Variants in TGFBR3 observed in about 807,000 individuals in gnomAD.
TGFBR3 encodes transforming growth factor beta receptor type 3.
TGFBR3 carries 46 observed loss-of-function variants against 87.9 expected under a neutral mutation model. The ratio of observed to expected loss-of-function variants is 0.52; its 90% CI spans 0.41 to 0.67. The LOEUF is 0.67. Among genes scored for constraint, TGFBR3 ranks in the 30% least tolerant of loss-of-function variants. The pLI is 0.00. For synonymous variants in TGFBR3, 381 were observed against 391.6 expected, an observed-to-expected ratio of 0.97 and a Z score of 0.32; for missense variants, 866 against 1,041.9, an observed-to-expected ratio of 0.83 and a Z score of 2.32.
intron 4 of TGFBR3, among the ~76,000 whole-genome samples, chr1:91,741,359 G>A (rs898645984): frequency 2.0e-5 from 3 of 152,136 alleles, no homozygotes; most frequent in Non-Finnish European, 4.4e-5. Flanking sequence ...GGGGTGAGGA[G>A]CTTCTGTGCC....
chr1:91,877,844 C>T (rs977331812), intron 1 of TGFBR3, among the ~76,000 whole-genome samples: 2 of 151,860 alleles, frequency 1.3e-5, no homozygotes, highest in African/African-American at 2.4e-5. Context: ...TGATTTATCA[C>T]GAATACATAA....
chr1:91,824,187 G>A (rs550664436), intron 2 of TGFBR3, among the ~76,000 whole-genome samples: 79 of 152,104 alleles, frequency 5.2e-4, no homozygotes, highest in East Asian at 9.6e-4. Context: ...ATTATACTTC[G>A]ATATAAAGTT....
intron 2 of TGFBR3, among the ~76,000 whole-genome samples, chr1:91,799,543 A>G (rs1190124054): frequency 2.6e-5 from 4 of 152,160 alleles, no homozygotes; most frequent in Non-Finnish European, 5.9e-5. Context: ...CTCCTACTCA[A>G]TTCTGGGGAC....
At chr1:91,701,907 T>C (rs1671631894) in intron 14 of TGFBR3, among the ~76,000 whole-genome samples, 1 of 152,220 alleles carries the variant, frequency 6.6e-6, no homozygotes, top group Non-Finnish European at 1.5e-5. Context: ...TTTTCTGGAT[T>C]CTTTCAATAT....
At chr1:91,826,667 G>A (rs1054014640) in intron 2 of TGFBR3, among the ~76,000 whole-genome samples, 1 of 150,852 alleles carries the variant, frequency 6.6e-6, no homozygotes, top group Non-Finnish European at 1.5e-5. Context: ...ATGACCCTAT[G>A]CCAGTAAAGC....
chr1:91,765,781 T>C (rs563292730), intron 3 of TGFBR3, among the ~76,000 whole-genome samples: 5 of 152,206 alleles, frequency 3.3e-5, no homozygotes, highest in African/African-American at 7.2e-5. Context: ...TTTAGAGGCA[T>C]AGAATTTTAC....
At chr1:91,750,868 T>G (rs1471986773) in intron 4 of TGFBR3, among the ~76,000 whole-genome samples, 1 of 152,222 alleles carries the variant, frequency 6.6e-6, no homozygotes, top group African/African-American at 2.4e-5. Flanking sequence ...TTGATTGCAT[T>G]TGGAAGAAGA....
chr1:91,701,779 A>G (rs1257890420), intron 14 of TGFBR3, among the ~76,000 whole-genome samples: 2 of 152,152 alleles, frequency 1.3e-5, no homozygotes, highest in Non-Finnish European at 2.9e-5. Context: ...ATCTATTGGC[A>G]TTTGGCAAAG....
chr1:91,718,711 G>A (rs868467392), intron 10 of TGFBR3, among the ~76,000 whole-genome samples: 3 of 152,176 alleles, frequency 2.0e-5, no homozygotes, highest in Non-Finnish European at 4.4e-5. Flanking sequence ...CTATTGCAAC[G>A]GTTTATCATT....
chr1:91,879,564 C>G (rs1316046288), intron 1 of TGFBR3, among the ~76,000 whole-genome samples: 1 of 152,090 alleles, frequency 6.6e-6, no homozygotes, highest in Non-Finnish European at 1.5e-5. Context: ...TCATCTTTGG[C>G]CTGAAAAACT....
chr1:91,845,566 G>A (rs759344258), intron 2 of TGFBR3, among the ~76,000 whole-genome samples: 2 of 152,184 alleles, frequency 1.3e-5, no homozygotes, highest in Non-Finnish European at 2.9e-5. Flanking sequence ...TCTATTATTT[G>A]TCTACAATTT....
chr1:91,728,027 A>G (rs1231917074), intron 6 of TGFBR3: 7 of 581,662 alleles, frequency 1.2e-5, no homozygotes, highest in African/African-American at 1.9e-5. Context: ...ATTAGTCACT[A>G]AAGTTTTTCT....
chr1:91,783,623 T>C (rs1674852939), intron 3 of TGFBR3, among the ~76,000 whole-genome samples: 1 of 152,252 alleles, frequency 6.6e-6, no homozygotes, highest in African/African-American at 2.4e-5. Context: ...TGTAGGATTC[T>C]GGTGGGTAAA....
intron 16 of TGFBR3, among the ~76,000 whole-genome samples, chr1:91,688,566 T>G (rs980675485): frequency 6.6e-6 from 1 of 152,182 alleles, no homozygotes; most frequent in Non-Finnish European, 1.5e-5. Context: ...AAAAGCTTTT[T>G]CAACTTTAAG....
intron 16 of TGFBR3, among the ~76,000 whole-genome samples, chr1:91,691,275 G>A (rs539938115): frequency 1.6e-4 from 25 of 152,268 alleles, no homozygotes; most frequent in African/African-American, 6.0e-4. Context: ...AGTACTGAAA[G>A]ATATGAGTTT....
intron 2 of TGFBR3, among the ~76,000 whole-genome samples, chr1:91,854,999 C>T (rs565663457): frequency 6.6e-6 from 1 of 152,312 alleles, no homozygotes; most frequent in East Asian, 1.9e-4. Flanking sequence ...TTATTAGCCT[C>T]TACTCAAGGC....
At chr1:91,724,627 G>A (rs1292168649) in intron 7 of TGFBR3, among the ~76,000 whole-genome samples, 1 of 152,182 alleles carries the variant, frequency 6.6e-6, no homozygotes, top group Non-Finnish European at 1.5e-5. Flanking sequence ...CTACACATTT[G>A]TAAAGCAGCA....
At chr1:91,742,097 C>T (rs1473298767) in intron 4 of TGFBR3, among the ~76,000 whole-genome samples, 1 of 152,168 alleles carries the variant, frequency 6.6e-6, no homozygotes, top group Non-Finnish European at 1.5e-5. Context: ...TCTATCCTAC[C>T]TTGCTCCCAT....
At chr1:91,802,202 T>G (rs1007542085) in intron 2 of TGFBR3, among the ~76,000 whole-genome samples, 1 of 152,154 alleles carries the variant, frequency 6.6e-6, no homozygotes, top group Non-Finnish European at 1.5e-5. Flanking sequence ...TGCCACCAGC[T>G]GTTCCATCGC....
Sources: allele counts gnomAD v4.1 joint callset (sites outside exome capture counted in the v4.1 genomes callset), GRCh38; gene constraint gnomAD v4.1.1; transcripts MANE v1.5; gene names NCBI Gene and HGNC (gene_info 2026-07-23, HGNC 2026-07-21).